Variants in CNTN2 observed in about 807,000 individuals in gnomAD.
CNTN2 encodes contactin-2.
In CNTN2, 53 loss-of-function variants were observed where a neutral mutation model predicts 117.5. The observed-to-expected ratio is 0.45, with a 90% CI of 0.36 to 0.57. The LOEUF (loss-of-function observed/expected upper bound fraction) is 0.57, where lower values mean the gene tolerates loss of function less well. CNTN2 is among the 20% of genes least tolerant of loss of function. The probability of loss-of-function intolerance (pLI) is 0.00; values close to 1 mark genes in which losing one functional copy is unlikely to be tolerated. For missense variants in CNTN2, 1,106 were observed against 1,404.3 expected (o/e 0.79, Z 3.39); for synonymous variants, 530 against 561.7 (o/e 0.94, Z 0.80).
intron 2 of CNTN2, 78 bp downstream of exon 2, chr1:205,053,333 AT>A: frequency 8.2e-7 from 1 of 1,223,942 alleles, no homozygotes; most frequent in Admixed American, 2.2e-5. Flanking sequence ...TTGGGTGACG[AT>A]TACAGAAATC....
chr1:205,052,494 G>A (rs1032574170), intron 1 of CNTN2, among the ~76,000 whole-genome samples: 9 of 152,206 alleles, frequency 5.9e-5, no homozygotes, highest in Admixed American at 3.9e-4. Context: ...AGCCTGCTGG[G>A]CCCCTTCACC....
At chr1:205,051,021 T>G (rs971145729) in intron 1 of CNTN2, among the ~76,000 whole-genome samples, 3 of 152,234 alleles carry the variant, frequency 2.0e-5, no homozygotes, top group Admixed American at 1.3e-4. Context: ...TTCAGTGGGT[T>G]TATCGGGATG....
intron 2 of CNTN2, among the ~76,000 whole-genome samples, chr1:205,055,240 T>G (rs528364427): frequency 7.2e-4 from 110 of 152,214 alleles, no homozygotes; most frequent in Middle Eastern, 3.4e-3. Flanking sequence ...TCTCGAACTC[T>G]CGAGCTCAGG....
rs1463895198 is a variant in CNTN2, at chr1:205,067,283, T to C, written c.2125+33T>C. The C allele has an allele frequency of 3.1e-6, 5 of 1,598,862 alleles. No homozygotes were observed. In the Admixed American group the frequency reaches 5.1e-5, roughly 16 times the overall value. On this transcript the variant is annotated intron_variant, in intron 16 of 22. Transcript: ENST00000331830. ...TCCTGTGTGTCCCAAAAAGCTATCA[T>C]CAGGGCAGAGACCCTGGCACCACTT...
At chr1:205,068,311 T>A (rs1328784644) in intron 16 of CNTN2, 1 of 152,254 alleles carries the variant, frequency 6.6e-6, no homozygotes. Flanking sequence ...TCTACAGACC[T>A]GTTGCACTGG....
Position 205,061,332 on chromosome 1 carries a change from C to G in CNTN2, c.885C>G (p.Ser295Arg). 1 of 1,614,090 alleles carries G rather than the reference C, an allele frequency of 6.2e-7. No individual in the cohort carries two copies. Among genetic ancestry groups the G allele is most frequent in the Non-Finnish European group, 8.5e-7 (1 of 1,179,972 alleles). ...CTGAGCCCACCCTGCAGATCCCCAG[C>G]GTCAGCTTTGAGGATGAGGGCACCT... ...TTAEPTLQIP[S>R]VSFEDEGTYE... Residue 295 changes from serine (S) to arginine (R), a missense_variant, in exon 8 of 23, where the codon AGC becomes AGG. Transcript: ENST00000331830. The surrounding 1 kb of genome is among the most constrained non-coding windows in gnomAD (Gnocchi z 4.8).
At chr1:205,062,395 C>T in intron 9 of CNTN2, 45 bp from the exon 10 acceptor site, 1 of 1,573,604 alleles carries the variant, frequency 6.4e-7, no homozygotes, top group Non-Finnish European at 8.6e-7. Flanking sequence ...CTCCCTGTGG[C>T]TCCTGTGGTC....
chr1:205,055,268 C>T (rs992416673), intron 2 of CNTN2, among the ~76,000 whole-genome samples: 2 of 152,160 alleles, frequency 1.3e-5, no homozygotes, highest in Admixed American at 6.5e-5. Flanking sequence ...CCTGCCTCCG[C>T]CTCTCAAAGT....
chr1:205,063,872 G>A (rs1654117992), intron 10 of CNTN2, among the ~76,000 whole-genome samples: 3 of 151,490 alleles, frequency 2.0e-5, no homozygotes. Context: ...TCTGGAGGCA[G>A]GAAAAGACTT....
Position 205,067,363 on chromosome 1 carries a change from G to T in CNTN2, c.2125+113G>T, listed in dbSNP as rs1654348993. The T allele has an allele frequency of 5.3e-6, 7 of 1,323,052 alleles. No homozygotes were observed. In the South Asian group the frequency reaches 1.0e-4, roughly 20 times the overall value. 82.0% of individuals were successfully genotyped at this position (1,323,052 alleles called of 1,614,324 possible). On this transcript the variant is annotated intron_variant, in intron 16 of 22. Coordinates refer to ENST00000331830, the MANE Select transcript of CNTN2 (RefSeq NM_005076.5). ...GCTGAGTTCCAACCCTGCTCACAGGGTTCAGACTCTCACAAAACAGAGGAG... is the reference window on the plus strand; with the variant it reads ...GCTGAGTTCCAACCCTGCTCACAGGTTTCAGACTCTCACAAAACAGAGGAG...
Position 205,065,107 on chromosome 1 carries a change from G to A in CNTN2, c.1540G>A (p.Ala514Thr). The A allele has an allele frequency of 6.2e-7, 1 of 1,613,956 alleles. No individual in the cohort carries two copies. Among genetic ancestry groups the A allele is most frequent in the Non-Finnish European group, 8.5e-7 (1 of 1,179,984 alleles). Residue 514 changes from alanine (A) to threonine (T), a missense_variant, in exon 13 of 23, where the codon GCC becomes ACC. Coordinates refer to ENST00000331830, the MANE Select transcript of CNTN2 (RefSeq NM_005076.5). This position sits in a 1 kb window ranked among gnomAD's most constrained non-coding sequence, Gnocchi z 4.1. ...SVRDATKITL[A>T]PSSADINLGD... Reference sequence around the variant, plus strand: ...GGCAGATGCAACCAAAATCACTCTAGCCCCCTCAAGTGCCGACATCAACTT... The same window carrying A: ...GGCAGATGCAACCAAAATCACTCTAACCCCCTCAAGTGCCGACATCAACTT...
chr1:205,065,177 C>T lies in CNTN2; in HGVS notation c.1610C>T (p.Thr537Ile), dbSNP rs1298803996. The T allele has an allele frequency of 6.2e-7, 1 of 1,614,068 alleles. No homozygotes were observed. Among genetic ancestry groups the T allele is most frequent in the Non-Finnish European group, 8.5e-7 (1 of 1,180,050 alleles). ...CAGTGCCATGCCTCCCACGACCCCA[C>T]CATGGACCTCACCTTCACCTGGACC... The part of the protein sequence containing the change: ...TLQCHASHDP[T>I]MDLTFTWTLD... The change falls in exon 13 of 23, where the codon ACC (threonine) becomes ATC (isoleucine). Residue 537 changes from threonine (T) to isoleucine (I), a missense_variant. By Grantham distance (89) the Thr-to-Ile change is moderately conservative. Transcript: ENST00000331830. This position sits in a 1 kb window ranked among gnomAD's most constrained non-coding sequence, Gnocchi z 4.1.
rs779995801 is a variant in CNTN2, at chr1:205,065,946, C to T, written c.1816+37C>T. The T allele has an allele frequency of 5.1e-6, 8 of 1,576,342 alleles. No individual in the cohort carries two copies. Among genetic ancestry groups the T allele is most frequent in the Non-Finnish European group, 6.0e-6 (7 of 1,160,258 alleles). ...CCCACCTCTACCCCTACCCCAACTC[C>T]CTTAAAACCCAGCTGGGCTGTTCTG... On this transcript the variant is annotated intron_variant, in intron 14 of 22. Transcript: ENST00000331830. This position sits in a 1 kb window ranked among gnomAD's most constrained non-coding sequence, Gnocchi z 4.1.
intron 1 of CNTN2, among the ~76,000 whole-genome samples, chr1:205,047,894 A>C (rs1212796410): frequency 3.3e-5 from 5 of 152,164 alleles, no homozygotes; most frequent in African/African-American, 7.2e-5. Flanking sequence ...CCATTCTTGC[A>C]GATGGGAGAG....
In CNTN2 at chr1:205,069,550, G is replaced by A. The variant is rs773485559; in HGVS notation, c.2185G>A (p.Val729Ile). The A allele has an allele frequency of 2.5e-5, 40 of 1,613,378 alleles. No individual in the cohort carries two copies. Among genetic ancestry groups the A allele is most frequent in the South Asian group, 2.2e-4 (20 of 91,044 alleles). ...AGGTGGAGCCCCCGGAGAGCTCATCGTCAACTGGACGGTAAGCTGCAAGGG... is the reference window on the plus strand; with the variant it reads ...AGGTGGAGCCCCCGGAGAGCTCATCATCAACTGGACGGTAAGCTGCAAGGG... ...GGGGAPGELI[V>I]NWTPMSREYQ... The change falls in exon 17 of 23, where the codon GTC becomes ATC. Residue 729 changes from valine to isoleucine, a missense_variant. Val to Ile is a conservative substitution (Grantham distance 29). Transcript: ENST00000331830.
At chr1:205,066,644 G>C in intron 15 of CNTN2, 45 bp downstream of exon 15, 1 of 1,597,764 alleles carries the variant, frequency 6.3e-7, no homozygotes, top group Non-Finnish European at 8.5e-7. Context: ...AGGCTCGACT[G>C]GGTGTAGGAG....
chr1:205,067,915 G>C (rs1448635236), intron 16 of CNTN2: 1 of 114,190 alleles, frequency 8.8e-6, no homozygotes, highest in Non-Finnish European at 1.6e-5. Context: ...GCGACAGAGC[G>C]AGACTCCATC....
At chr1:205,055,474 T>A (rs1446259339) in intron 2 of CNTN2, among the ~76,000 whole-genome samples, 1 of 152,144 alleles carries the variant, frequency 6.6e-6, no homozygotes, top group Non-Finnish European at 1.5e-5. Flanking sequence ...ACGCTGGGGA[T>A]AATGAATGTG....
In CNTN2 at chr1:205,059,604, G is replaced by A; in HGVS notation, c.719G>A (p.Ser240Asn). The A allele has an allele frequency of 2.5e-6, 4 of 1,614,164 alleles. No homozygotes were observed. Among genetic ancestry groups the A allele is most frequent in the Non-Finnish European group, 3.4e-6 (4 of 1,180,032 alleles). ...AAEDTRLFAP[S>N]IKARFPAETY... ...CCAGATACCCGGCTCTTTGCACCCA[G>A]CATCAAGGCCCGGTTCCCAGCAGAG... The change falls in exon 7 of 23, where the codon AGC (serine) becomes AAC (asparagine). Residue 240 changes from serine (S) to asparagine (N), a missense_variant. By Grantham distance (46) the Ser-to-Asn change is conservative. Transcript: ENST00000331830. The surrounding 1 kb of genome is among the most constrained non-coding windows in gnomAD (Gnocchi z 5.6).
Sources: gnomAD v4.1 joint callset for allele counts (sites outside exome capture counted in the v4.1 genomes callset) on GRCh38, gnomAD v4.1.1 for gene constraint, Gnocchi (gnomAD v3.1) non-coding constraint, MANE v1.5 for transcripts, NCBI Gene and HGNC (gene_info 2026-07-23, HGNC 2026-07-21) for gene names.